The following VPS35L variants were observed in gnomAD, a reference collection of about 807,000 sequenced individuals.
VPS35L encodes the protein VPS35 endosomal protein-sorting factor-like.
A neutral mutation model predicts 133.0 loss-of-function variants in VPS35L; 83 were observed. That is an observed-to-expected ratio of 0.62 (90% CI 0.52 to 0.75). The LOEUF (loss-of-function observed/expected upper bound fraction) is 0.75, where lower values mean the gene tolerates loss of function less well. Ranked by LOEUF, VPS35L falls within the 30% of genes least tolerant of loss-of-function variation. The pLI, the probability that VPS35L is intolerant of heterozygous loss-of-function variation, is 0.00. For synonymous variants in VPS35L, 423 were observed against 449.9 expected, an observed-to-expected ratio of 0.94 and a Z score of 0.76; for missense variants, 1,083 against 1,206.8, an observed-to-expected ratio of 0.90 and a Z score of 1.52.
intron 7 of VPS35L, among the ~76,000 whole-genome samples, chr16:19,586,560 G>A (rs1971871807): frequency 1.3e-5 from 2 of 151,126 alleles, no homozygotes; most frequent in South Asian, 4.2e-4. Flanking sequence ...GGCTGGTCTC[G>A]AACTCCTAAC....
At position 19,606,364 on chromosome 16, in the gene VPS35L, A is replaced by C. The variant is rs577853015; in HGVS notation, c.785-1814A>C. ...AGATTGACAAATGAATGTAAGAATA[A>C]CTGCTATCTTTTCCTGTCTGGATCT... On this transcript the variant is annotated intron_variant, in intron 9 of 30. Coordinates refer to ENST00000417362, the MANE Select transcript of VPS35L (RefSeq NM_020314.7). Among the ~76,000 whole-genome samples the C allele has an allele frequency of 3.9e-5, 6 of 152,344 alleles. No individual in the cohort carries two copies. In the East Asian group the frequency reaches 1.2e-3, roughly 29 times the overall value.
chr16:19,572,895 A>G lies in VPS35L; in HGVS notation c.286-224A>G, dbSNP rs117750436. On this transcript the variant is annotated intron_variant, in intron 3 of 30. Coordinates refer to ENST00000417362, the MANE Select transcript of VPS35L (RefSeq NM_020314.7). ...TTACCATGTTGGCTAGGCTGGTGTTAAACCCCCGCCCTTAAGTGATCCGTC... is the reference window on the plus strand; with the variant it reads ...TTACCATGTTGGCTAGGCTGGTGTTGAACCCCCGCCCTTAAGTGATCCGTC... Among the ~76,000 whole-genome samples the G allele has an allele frequency of 5.8e-3, 889 of 152,110 alleles. 4 individuals carry two copies. The highest frequency in any genetic ancestry group is 9.3e-3 in the Non-Finnish European group (631 of 68,004).
intron 14 of VPS35L, among the ~76,000 whole-genome samples, chr16:19,625,156 C>T (rs916388764): frequency 4.6e-5 from 7 of 152,130 alleles, no homozygotes; most frequent in Admixed American, 3.3e-4. Context: ...TATTGAAGAA[C>T]GTGGCCTTTG....
intron 27 of VPS35L, among the ~76,000 whole-genome samples, chr16:19,674,765 GA>G (rs1259903549): frequency 6.6e-6 from 1 of 151,716 alleles, no homozygotes; most frequent in Non-Finnish European, 1.5e-5. Context: ...CTGATTCTAT[GA>G]ATCTATTTTA....
At chr16:19,660,366 A>G (rs1402715614) in intron 26 of VPS35L, among the ~76,000 whole-genome samples, 1 of 151,842 alleles carries the variant, frequency 6.6e-6, no homozygotes, top group Non-Finnish European at 1.5e-5. Context: ...TGGTTTTTCT[A>G]TTCTTCGATC....
chr16:19,575,818 G>T (rs1555496739), intron 5 of VPS35L, among the ~76,000 whole-genome samples: 2 of 149,588 alleles, frequency 1.3e-5, no homozygotes, highest in Non-Finnish European at 3.0e-5. Flanking sequence ...AGCCAAGATT[G>T]CACTCCAGCC....
Position 19,628,764 on chromosome 16 carries a change from AT to A in VPS35L, c.1500+15del. 2 of 1,153,898 alleles carry A rather than the reference AT, an allele frequency of 1.7e-6. No homozygotes were observed. Among genetic ancestry groups the A allele is most frequent in the Non-Finnish European group, 1.2e-6 (1 of 854,414 alleles). 71.5% of individuals were successfully genotyped at this position (1,153,898 alleles called of 1,614,324 possible). On this transcript the variant is annotated intron_variant, in intron 17 of 30. Coordinates refer to ENST00000417362, the MANE Select transcript of VPS35L (RefSeq NM_020314.7). Reference sequence around the variant, plus strand: ...CTGAAGAACCCACAGGTGAGTGGCCATTTTATTTTTATTTTTATTTATTTAT... The same window carrying A: ...CTGAAGAACCCACAGGTGAGTGGCCATTTATTTTTATTTTTATTTATTTAT...
At chr16:19,695,334 C>T (rs1349497351) in intron 29 of VPS35L, among the ~76,000 whole-genome samples, 5 of 152,182 alleles carry the variant, frequency 3.3e-5, no homozygotes, top group Non-Finnish European at 5.9e-5. Flanking sequence ...AAATAAAGCC[C>T]AGAACCATAT....
chr16:19,686,972 G>A (rs765141717), intron 28 of VPS35L, among the ~76,000 whole-genome samples: 1 of 152,108 alleles, frequency 6.6e-6, no homozygotes, highest in Non-Finnish European at 1.5e-5. Context: ...CTGAACTCCA[G>A]CCTGGGCGAC....
At chr16:19,564,090 A>G (rs1409039263) in intron 1 of VPS35L, among the ~76,000 whole-genome samples, 1 of 151,950 alleles carries the variant, frequency 6.6e-6, no homozygotes, top group Non-Finnish European at 1.5e-5. Flanking sequence ...ATATATATAT[A>G]TTTTTTGAGA....
intron 28 of VPS35L, among the ~76,000 whole-genome samples, chr16:19,689,704 C>T (rs553070628): frequency 6.6e-6 from 1 of 152,272 alleles, no homozygotes; most frequent in South Asian, 2.1e-4. Flanking sequence ...AATTTCACTT[C>T]GTCCCACCCA....
chr16:19,622,442 C>G (rs571143386), intron 14 of VPS35L, among the ~76,000 whole-genome samples: 1 of 151,858 alleles, frequency 6.6e-6, no homozygotes, highest in East Asian at 1.9e-4. Flanking sequence ...GTGCCCGGCC[C>G]CCACGTATAT....
In VPS35L at chr16:19,618,316, AAGTT is replaced by A. The variant is rs373127209; in HGVS notation, c.1224+1511_1224+1514del. ...TCCCACTTTTACGAATTTATCCTGT[AAGTT>A]AGACGAGTGCATAAACATTATAAAC... On this transcript the variant is annotated intron_variant, in intron 14 of 30. Transcript: ENST00000417362. Among the ~76,000 whole-genome samples, 379 of 152,316 alleles carry A rather than the reference AAGTT, an allele frequency of 2.5e-3. 2 individuals are homozygous for A. The highest frequency in any genetic ancestry group is 8.4e-3 in the African/African-American group (351 of 41,572).
intron 26 of VPS35L, among the ~76,000 whole-genome samples, chr16:19,667,502 G>C (rs1341084785): frequency 2.0e-5 from 3 of 152,162 alleles, no homozygotes; most frequent in Non-Finnish European, 4.4e-5. Context: ...AGGAGGCCGA[G>C]TCAGGCAGAT....
intron 1 of VPS35L, 62 bp downstream of exon 1, chr16:19,555,808 C>T: frequency 2.6e-6 from 4 of 1,524,266 alleles, no homozygotes; most frequent in East Asian, 2.3e-5. Flanking sequence ...ATGGGGTCGG[C>T]CTGGGTCTGA....
At chr16:19,695,969 C>T (rs748321796) in intron 29 of VPS35L, among the ~76,000 whole-genome samples, 6 of 152,060 alleles carry the variant, frequency 3.9e-5, no homozygotes, top group Admixed American at 6.5e-5. Flanking sequence ...TGACTGCAAC[C>T]TCCACCTCCC....
At position 19,579,120 on chromosome 16, in the gene VPS35L, T is replaced by C; in HGVS notation, c.502T>C (p.Phe168Leu). Residue 168 changes from phenylalanine to leucine, a missense_variant, in exon 6 of 31, where the codon TTT becomes CTT. Coordinates refer to ENST00000417362, the MANE Select transcript of VPS35L (RefSeq NM_020314.7). ...VRTRLEELDD[F>L]EEGSQKELLN... The stretch of plus-strand genomic sequence containing the variant: ...GACCCGGCTGGAGGAGCTGGATGAC[T>C]TTGAGGAGGTGAGCAAGTCATTTGT... 1 of 1,613,848 alleles carries C rather than the reference T, an allele frequency of 6.2e-7. No homozygotes were observed. The highest frequency in any genetic ancestry group is 8.5e-7 in the Non-Finnish European group (1 of 1,179,910).
chr16:19,593,194 G>A (rs1972098211), intron 8 of VPS35L, among the ~76,000 whole-genome samples: 1 of 152,118 alleles, frequency 6.6e-6, no homozygotes, highest in South Asian at 2.1e-4. Context: ...AGAACATCGT[G>A]CCATTAGCAG....
chr16:19,579,292 G>A, intron 6 of VPS35L, 164 bp downstream of exon 6: 1 of 621,528 alleles, frequency 1.6e-6, no homozygotes, highest in Non-Finnish European at 2.7e-6. Flanking sequence ...CCAGTGTGCA[G>A]TTGGCCGAGC....
Sources: allele counts gnomAD v4.1 joint callset (sites outside exome capture counted in the v4.1 genomes callset), GRCh38; gene constraint gnomAD v4.1.1; transcripts MANE v1.5; gene names NCBI Gene and HGNC (gene_info 2026-07-23, HGNC 2026-07-21).